Variants in FHIT observed in about 807,000 individuals in gnomAD.
FHIT encodes the protein bis(5'-adenosyl)-triphosphatase.
In FHIT, 19 loss-of-function variants were observed where a neutral mutation model predicts 17.9. That is an observed-to-expected ratio of 1.06 (90% CI 0.74 to 1.56). FHIT has a LOEUF of 1.56. FHIT is among the 40% of genes most tolerant of loss of function. The probability of loss-of-function intolerance (pLI) is 0.00; values close to 1 mark genes in which losing one functional copy is unlikely to be tolerated. For synonymous variants in FHIT, 81 were observed against 69.7 expected (o/e 1.16, Z -0.81); for missense variants, 248 against 189.2 (o/e 1.31, Z -1.82).
intron 4 of FHIT, among the ~76,000 whole-genome samples, chr3:60,564,950 G>T (rs916827922): frequency 1.3e-5 from 2 of 152,030 alleles, no homozygotes; most frequent in African/African-American, 4.8e-5. Flanking sequence ...ATTCTACAGA[G>T]AAACCTTTCA....
At chr3:61,064,633 TAC>T (rs1446338844) in intron 2 of FHIT, among the ~76,000 whole-genome samples, 1 of 152,196 alleles carries the variant, frequency 6.6e-6, no homozygotes, top group East Asian at 1.9e-4. Flanking sequence ...ACTTCAAGTT[TAC>T]ACAGAGTGTG....
At chr3:61,157,530 G>A (rs957057160) in intron 2 of FHIT, among the ~76,000 whole-genome samples, 1 of 152,154 alleles carries the variant, frequency 6.6e-6, no homozygotes, top group East Asian at 1.9e-4. Flanking sequence ...TCTTAGTAAA[G>A]GGGAATTATC....
intron 3 of FHIT, among the ~76,000 whole-genome samples, chr3:60,858,342 C>T (rs1350868822): frequency 1.3e-5 from 2 of 152,062 alleles, no homozygotes; most frequent in African/African-American, 4.8e-5. Context: ...ATAGAGAACT[C>T]ACTGAGAATT....
At chr3:60,894,517 C>T (rs1231737598) in intron 3 of FHIT, among the ~76,000 whole-genome samples, 1 of 152,024 alleles carries the variant, frequency 6.6e-6, no homozygotes, top group Admixed American at 6.6e-5. Context: ...CACAGATACC[C>T]CTTGGAGTCA....
chr3:60,215,239 C>G lies in FHIT; in HGVS notation c.104-201087G>C, dbSNP rs1703645223. 2.0e-5 allele frequency among the ~76,000 whole-genome samples: 3 copies of G among 152,108 alleles called. No individual in the cohort carries two copies. In the South Asian group the frequency reaches 6.2e-4, roughly 32 times the overall value. The stretch of plus-strand genomic sequence containing the variant: ...GGGCCTGGTGGCTCACAGCTGTAAT[C>G]CCAGCACGTTGGGAGGCCAAGGCAA... On this transcript the variant is annotated intron_variant, in intron 5 of 9. Transcript: ENST00000492590.
Position 59,988,845 on chromosome 3 carries a change from C to T in FHIT, c.279+22526G>A, listed in dbSNP as rs183116892. 7.2e-5 allele frequency among the ~76,000 whole-genome samples: 11 copies of T among 152,128 alleles called. No individual in the cohort carries two copies. In the South Asian group the frequency reaches 8.3e-4, roughly 11 times the overall value. The stretch of plus-strand genomic sequence containing the variant: ...AGATAGGGGAATGCAGTTAGGGCCT[C>T]GAGCAGGAGGAAACAGGGGCAAAGC... On this transcript the variant is annotated intron_variant, in intron 7 of 9. Transcript: ENST00000492590.
At chr3:60,895,751 T>C (rs1705779794) in intron 3 of FHIT, among the ~76,000 whole-genome samples, 1 of 151,040 alleles carries the variant, frequency 6.6e-6, no homozygotes, top group Admixed American at 6.6e-5. Flanking sequence ...CTTTTGGTTA[T>C]ATCTTACTCA....
intron 5 of FHIT, among the ~76,000 whole-genome samples, chr3:60,400,253 G>C (rs1396297889): frequency 1.3e-5 from 2 of 152,114 alleles, no homozygotes; most frequent in Non-Finnish European, 2.9e-5. Flanking sequence ...TGGAAGCGGA[G>C]AGCACATCAT....
At chr3:60,311,194 C>T (rs1234035329) in intron 5 of FHIT, among the ~76,000 whole-genome samples, 1 of 148,104 alleles carries the variant, frequency 6.8e-6, no homozygotes, top group African/African-American at 2.6e-5. Flanking sequence ...ATTACTTTGT[C>T]TTTCTGTTTT....
chr3:59,988,074 T>C (rs915721389), intron 7 of FHIT, among the ~76,000 whole-genome samples: 3 of 152,210 alleles, frequency 2.0e-5, no homozygotes, highest in South Asian at 2.1e-4. Flanking sequence ...TTATAGGGAA[T>C]GCGTATCAGC....
rs576019963 is a variant in FHIT, at chr3:59,808,281, G to A, written c.349-55960C>T. ...TGAAAGGGGGCTTGGTAATGACTTA[G>A]GATGCTTGAATTCAGGCCAAGGCTA... is the stretch of plus-strand genomic sequence containing the variant. On this transcript the variant is annotated intron_variant, in intron 8 of 9. Coordinates refer to ENST00000492590, the MANE Select transcript of FHIT (RefSeq NM_002012.4). Among the ~76,000 whole-genome samples the A allele has an allele frequency of 5.3e-5, 8 of 152,276 alleles. No homozygotes were observed. In the South Asian group the frequency reaches 1.7e-3, roughly 32 times the overall value.
At chr3:60,421,042 T>C (rs971209946) in intron 5 of FHIT, among the ~76,000 whole-genome samples, 3 of 151,986 alleles carry the variant, frequency 2.0e-5, no homozygotes, top group Non-Finnish European at 4.4e-5. Flanking sequence ...TTTTTTTTTT[T>C]TTTTTCTAAA....
At chr3:60,748,253 T>A (rs1311591993) in intron 4 of FHIT, among the ~76,000 whole-genome samples, 2 of 152,174 alleles carry the variant, frequency 1.3e-5, no homozygotes, top group Admixed American at 1.3e-4. Context: ...CTTTATCTTC[T>A]TATGTTAGGT....
intron 3 of FHIT, among the ~76,000 whole-genome samples, chr3:60,998,265 G>A (rs560434018): frequency 5.3e-5 from 8 of 152,196 alleles, no homozygotes; most frequent in East Asian, 1.9e-4. Flanking sequence ...TTGAGCTTTC[G>A]TTTGTTTGCT....
At chr3:60,560,833 ACAC>A (rs2036912953) in intron 4 of FHIT, among the ~76,000 whole-genome samples, 1 of 137,468 alleles carries the variant, frequency 7.3e-6, no homozygotes, top group Non-Finnish European at 1.6e-5. Context: ...ACACACACAC[ACAC>A]ACACACACAG....
chr3:60,564,164 G>A (rs1270252945), intron 4 of FHIT, among the ~76,000 whole-genome samples: 2 of 152,268 alleles, frequency 1.3e-5, no homozygotes, highest in East Asian at 1.9e-4. Context: ...AACTCTGCCT[G>A]TGCTCTGTAA....
intron 4 of FHIT, among the ~76,000 whole-genome samples, chr3:60,607,444 A>C (rs868939796): frequency 6.6e-6 from 1 of 151,604 alleles, no homozygotes; most frequent in Non-Finnish European, 1.5e-5. Context: ...ATTTCTATCT[A>C]GTCTGCCACT....
chr3:61,207,895 A>G (rs2039304919), intron 1 of FHIT, among the ~76,000 whole-genome samples: 1 of 151,826 alleles, frequency 6.6e-6, no homozygotes, highest in African/African-American at 2.4e-5. Flanking sequence ...TAGTTCTTTT[A>G]ATTGTGATGT....
At chr3:60,522,714 G>T (rs189124301) in intron 5 of FHIT, among the ~76,000 whole-genome samples, 1 of 152,316 alleles carries the variant, frequency 6.6e-6, no homozygotes, top group Admixed American at 6.5e-5. Flanking sequence ...CCTTGAGGAA[G>T]AATTCACAGA....
Sources: allele counts gnomAD v4.1 joint callset (sites outside exome capture counted in the v4.1 genomes callset), GRCh38; gene constraint gnomAD v4.1.1; transcripts MANE v1.5; gene names NCBI Gene and HGNC (gene_info 2026-07-23, HGNC 2026-07-21).